MME: variants seen among roughly 807,000 people sequenced by gnomAD.
The protein encoded by MME is membrane metalloendopeptidase.
A neutral mutation model predicts 113.2 loss-of-function variants in MME; 98 were observed. The observed-to-expected ratio is 0.87, with a 90% CI of 0.74 to 1.02. MME has a LOEUF of 1.02. Ranked by LOEUF, MME falls within the 50% of genes least tolerant of loss-of-function variation. MME has a pLI of 0.00. For synonymous variants in MME, 292 were observed against 300.6 expected, an observed-to-expected ratio of 0.97 and a Z score of 0.30; for missense variants, 836 against 896.0, an observed-to-expected ratio of 0.93 and a Z score of 0.86.
At chr3:155,117,873 T>A (rs1718760804) in intron 7 of MME, among the ~76,000 whole-genome samples, 2 of 152,066 alleles carry the variant, frequency 1.3e-5, no homozygotes, top group South Asian at 4.1e-4. Flanking sequence ...GTTCTTTGGG[T>A]TATGTTTTCT....
intron 3 of MME, among the ~76,000 whole-genome samples, chr3:155,101,866 T>G (rs1479514839): frequency 6.6e-6 from 1 of 152,174 alleles, no homozygotes; most frequent in Non-Finnish European, 1.5e-5. Flanking sequence ...AGAGCCCAGT[T>G]TATGTGAATG....
At chr3:155,050,453 T>C (rs1394669479) in intron 1 of MME, among the ~76,000 whole-genome samples, 1 of 152,196 alleles carries the variant, frequency 6.6e-6, no homozygotes, top group Non-Finnish European at 1.5e-5. Context: ...CCACCAGCAG[T>C]GTGTAAGTAT....
intron 1 of MME, among the ~76,000 whole-genome samples, chr3:155,063,032 CAA>C (rs772216166): frequency 8.1e-5 from 5 of 61,812 alleles, no homozygotes; most frequent in Admixed American, 1.9e-4. Context: ...GACTCCATCT[CAA>C]AAAAAAAAAA....
chr3:155,144,288 C>T, intron 13 of MME, 71 bp from the exon 14 acceptor site: 1 of 1,006,368 alleles, frequency 9.9e-7, no homozygotes, highest in Non-Finnish European at 1.6e-6. Flanking sequence ...TAGCATGTAG[C>T]TCTATTTTTA....
chr3:155,148,566 A>G lies in MME; in HGVS notation c.1514A>G (p.Asp505Gly). ...NEYLELNYKE[D>G]EYFENIIQNL... ...ATAATACAGTTGAACTACAAAGAAG[A>G]TGAATACTTCGAGAACATAATTCAA... Residue 505 changes from aspartate to glycine, a missense_variant, in exon 16 of 23, where the codon GAT (aspartate) becomes GGT (glycine). Physicochemically the swap from Asp to Gly is moderately conservative, Grantham distance 94. Transcript: ENST00000360490. 6.2e-7 allele frequency: 1 copy of G among 1,606,476 alleles called. No homozygotes were observed. The highest frequency in any genetic ancestry group is 8.5e-7 in the Non-Finnish European group (1 of 1,173,404).
chr3:155,149,963 C>T (rs903180720), intron 16 of MME, among the ~76,000 whole-genome samples: 1 of 152,122 alleles, frequency 6.6e-6, no homozygotes, highest in African/African-American at 2.4e-5. Context: ...AATACACATG[C>T]TTGGCATTAT....
chr3:155,076,827 G>C (rs1714764614), upstream of MME, among the ~76,000 whole-genome samples: 1 of 152,160 alleles, frequency 6.6e-6, no homozygotes, highest in African/African-American at 2.4e-5. Context: ...TGTTGCTATA[G>C]CATTTGTAAA....
intron 1 of MME, among the ~76,000 whole-genome samples, chr3:155,059,156 G>A (rs549772329): frequency 6.6e-6 from 1 of 151,258 alleles, no homozygotes; most frequent in East Asian, 2.0e-4. Flanking sequence ...TCAAGGGGCT[G>A]AGGCTGGAGA....
At chr3:155,119,551 A>T in intron 8 of MME, among the ~76,000 whole-genome samples, 1 of 116,478 alleles carries the variant, frequency 8.6e-6, no homozygotes, top group Admixed American at 8.6e-5. Flanking sequence ...ATATCTCCCA[A>T]TGCTATCCCT....
At chr3:155,158,873 C>G (rs1722504787) in intron 16 of MME, 1 of 151,850 alleles carries the variant, frequency 6.6e-6, no homozygotes, top group Non-Finnish European at 1.5e-5. Flanking sequence ...TTATCAGTCC[C>G]CCCCCATCCT....
At chr3:155,054,923 G>A (rs747710569) in intron 1 of MME, among the ~76,000 whole-genome samples, 18 of 152,186 alleles carry the variant, frequency 1.2e-4, no homozygotes, top group Non-Finnish European at 2.2e-4. Flanking sequence ...AAAAAACACT[G>A]AGTTTCCAAG....
At chr3:155,137,198 T>C (rs2108301575) in intron 8 of MME, among the ~76,000 whole-genome samples, 1 of 152,296 alleles carries the variant, frequency 6.6e-6, no homozygotes, top group East Asian at 1.9e-4. Flanking sequence ...TGGTATCGTA[T>C]AGTGAAATTT....
At chr3:155,177,813 C>T (rs1712696445) in intron 22 of MME, among the ~76,000 whole-genome samples, 2 of 152,162 alleles carry the variant, frequency 1.3e-5, no homozygotes, top group Admixed American at 6.5e-5. Flanking sequence ...TTTCAACGTA[C>T]TCTTTCAGGG....
chr3:155,166,570 C>A (rs61760393), intron 17 of MME, among the ~76,000 whole-genome samples: 9 of 152,162 alleles, frequency 5.9e-5, no homozygotes, highest in Non-Finnish European at 1.3e-4. Flanking sequence ...CTCCTTACAG[C>A]ACAAAACAAT....
chr3:155,090,083 A>G (rs1716155158), intron 3 of MME: 1 of 221,080 alleles, frequency 4.5e-6, no homozygotes, highest in South Asian at 6.3e-5. Flanking sequence ...AGTTTACAAG[A>G]GAAAGTGGGA....
chr3:155,057,358 A>C (rs1025616404), intron 1 of MME, among the ~76,000 whole-genome samples: 1 of 152,136 alleles, frequency 6.6e-6, no homozygotes, highest in Non-Finnish European at 1.5e-5. Context: ...GCTCATCATC[A>C]CTGGCCATCA....
chr3:155,177,082 C>T (rs866241032), intron 22 of MME, among the ~76,000 whole-genome samples: 32 of 151,962 alleles, frequency 2.1e-4, no homozygotes, highest in African/African-American at 7.5e-4. Flanking sequence ...GTTGTTTTAA[C>T]TTAATTTTGA....
At chr3:155,179,615 G>A (rs974206154) in intron 22 of MME, among the ~76,000 whole-genome samples, 1 of 152,158 alleles carries the variant, frequency 6.6e-6, no homozygotes, top group African/African-American at 2.4e-5. Flanking sequence ...AGGAGGAGAA[G>A]GGAAGGAGGT....
At chr3:155,113,761 T>A (rs1227549968) in intron 3 of MME, among the ~76,000 whole-genome samples, 2 of 152,126 alleles carry the variant, frequency 1.3e-5, no homozygotes, top group African/African-American at 2.4e-5. Flanking sequence ...GCAAAGGAAT[T>A]ACCAGTAAAC....
Sources: gnomAD v4.1 joint callset for allele counts (sites outside exome capture counted in the v4.1 genomes callset) on GRCh38, gnomAD v4.1.1 for gene constraint, MANE v1.5 for transcripts, NCBI Gene and HGNC (gene_info 2026-07-23, HGNC 2026-07-21) for gene names.